The following SF3A1 variants were observed in gnomAD, a reference collection of about 807,000 sequenced individuals.
The protein encoded by SF3A1 is SAP 114.
SF3A1 carries 13 observed loss-of-function variants against 89.9 expected under a neutral mutation model. The observed-to-expected ratio is 0.14, with a 90% CI of 0.09 to 0.23. The LOEUF is 0.23. SF3A1 is among the 10% of genes least tolerant of loss of function. The pLI is 1.00. For synonymous variants in SF3A1, 405 were observed against 374.4 expected, an observed-to-expected ratio of 1.08 and a Z score of -0.94; for missense variants, 604 against 1,022.1, an observed-to-expected ratio of 0.59 and a Z score of 5.58.
chr22:30,335,602 G>T, intron 14 of SF3A1, 50 bp downstream of exon 14: 1 of 1,611,326 alleles, frequency 6.2e-7, no homozygotes, highest in South Asian at 1.1e-5. Flanking sequence ...GCTTTCCCCT[G>T]AATGCTTGGT....
intron 15 of SF3A1, 53 bp from the exon 16 acceptor site, chr22:30,334,748 C>A: frequency 7.9e-7 from 1 of 1,263,230 alleles, no homozygotes; most frequent in South Asian, 1.3e-5. Flanking sequence ...TTGGGGATAC[C>A]GCTGCAACCT....
chr22:30,340,350 T>A lies in SF3A1; in HGVS notation c.1221A>T (p.Pro407=). Residue 407 remains proline, a synonymous_variant, in exon 9 of 16, where the codon CCA becomes CCT. Coordinates refer to ENST00000215793, the MANE Select transcript of SF3A1 (RefSeq NM_005877.6). The stretch of plus-strand genomic sequence containing the variant: ...TAATGGGGGACACAAGATACTCATC[T>A]GGAGCAGGGGCTGGAGGCAAGGGCT... ...ASKPLPPAPA[P]DEYLVSPITG... is the part of the protein sequence containing the mutation. 6.2e-7 allele frequency: 1 copy of A among 1,611,754 alleles called. No homozygotes were observed. Among genetic ancestry groups the A allele is most frequent in the African/African-American group, 1.3e-5 (1 of 74,834 alleles).
At chr22:30,354,700 C>T (rs984014437) in intron 1 of SF3A1, among the ~76,000 whole-genome samples, 12 of 152,162 alleles carry the variant, frequency 7.9e-5, no homozygotes, top group African/African-American at 2.7e-4. Flanking sequence ...GAATAGCTAC[C>T]CAGTCACCCA....
At chr22:30,341,605 G>GGA in intron 7 of SF3A1, 87 bp downstream of exon 7, 1 of 947,006 alleles carries the variant, frequency 1.1e-6, no homozygotes, top group South Asian at 1.6e-5. Flanking sequence ...GGCTCACAGG[G>GGA]GAGCTGGATC....
intron 1 of SF3A1, among the ~76,000 whole-genome samples, chr22:30,354,861 C>T (rs1385815331): frequency 1.3e-5 from 2 of 152,176 alleles, no homozygotes; most frequent in East Asian, 1.9e-4. Context: ...GAATTCAAGG[C>T]TGCAGTAAGC....
intron 7 of SF3A1, 71 bp downstream of exon 7, chr22:30,341,621 G>A: frequency 2.3e-5 from 28 of 1,217,176 alleles, no homozygotes; most frequent in Non-Finnish European, 3.2e-5. Context: ...GGATCTGACT[G>A]GTGGAGAGCA....
intron 2 of SF3A1, among the ~76,000 whole-genome samples, chr22:30,352,245 C>A (rs567152177): frequency 2.0e-5 from 3 of 150,690 alleles, no homozygotes; most frequent in Admixed American, 6.6e-5. Context: ...ATACCCATTC[C>A]ATCTGAGGAG....
At chr22:30,344,171 A>G (rs1346789620) in intron 4 of SF3A1, among the ~76,000 whole-genome samples, 1 of 149,056 alleles carries the variant, frequency 6.7e-6, no homozygotes, top group Non-Finnish European at 1.5e-5. Flanking sequence ...CCAGAGCTCA[A>G]GCCCCAGCCC....
At chr22:30,339,470 T>C (rs1931179956) in intron 9 of SF3A1, among the ~76,000 whole-genome samples, 1 of 152,092 alleles carries the variant, frequency 6.6e-6, no homozygotes, top group Non-Finnish European at 1.5e-5. Context: ...AAAAGAACGG[T>C]AGGCCAGGCA....
chr22:30,340,380 G>A lies in SF3A1; in HGVS notation c.1191C>T (p.Ala397=). The A allele has an allele frequency of 6.2e-7, 1 of 1,611,374 alleles. No homozygotes were observed. The highest frequency in any genetic ancestry group is 8.5e-7 in the Non-Finnish European group (1 of 1,179,370). Reference sequence around the variant, plus strand: ...CAGGGGCTGGAGGCAAGGGCTTGGAGGCTAAAAGGAAACAGATGTTTCAGT... The same window carrying A: ...CAGGGGCTGGAGGCAAGGGCTTGGAAGCTAAAAGGAAACAGATGTTTCAGT... ...VIVRKDYDPK[A]SKPLPPAPAP... Residue 397 remains alanine, a splice_region_variant and synonymous_variant, in exon 9 of 16, where the codon GCC becomes GCT. Transcript: ENST00000215793.
At chr22:30,344,352 A>T (rs1002517977) in intron 4 of SF3A1, among the ~76,000 whole-genome samples, 2 of 152,260 alleles carry the variant, frequency 1.3e-5, no homozygotes, top group Non-Finnish European at 2.9e-5. Context: ...GACTTACATG[A>T]CATCAAAGTG....
intron 1 of SF3A1, among the ~76,000 whole-genome samples, chr22:30,355,484 C>T (rs2145828064): frequency 6.6e-6 from 1 of 152,296 alleles, no homozygotes; most frequent in African/African-American, 2.4e-5. Context: ...TGACTGGCCT[C>T]CCCTCATAGT....
intron 9 of SF3A1, 136 bp from the exon 10 acceptor site, chr22:30,339,387 G>T: frequency 1.8e-6 from 2 of 1,089,044 alleles, no homozygotes; most frequent in Non-Finnish European, 2.7e-6. Context: ...CCCAACTCTT[G>T]TCCTCTGGGC....
In SF3A1 at chr22:30,337,882, G is replaced by T; in HGVS notation, c.1759C>A (p.Arg587Ser). 2 of 1,605,344 alleles carry T rather than the reference G, an allele frequency of 1.2e-6. No homozygotes were observed. Among genetic ancestry groups the T allele is most frequent in the South Asian group, 1.1e-5 (1 of 88,556 alleles). Residue 587 changes from arginine (R) to serine (S), a missense_variant, in exon 12 of 16, where the codon CGT (arginine) becomes AGT (serine). This residue lies in a region of SF3A1 where 85 missense variants were observed against 137.3 expected (regional missense o/e 0.62). Coordinates refer to ENST00000215793, the MANE Select transcript of SF3A1 (RefSeq NM_005877.6). ...GGTACTGCGGAGACAACTGTAGTAC[G>T]AACTGGAGGTGGCATCTGTGCAGGA... is the stretch of plus-strand genomic sequence containing the variant. ...PRPPTMPPPV[R>S]TTVVSAVPVM...
intron 1 of SF3A1, among the ~76,000 whole-genome samples, chr22:30,356,154 A>T (rs530083351): frequency 1.3e-5 from 2 of 152,326 alleles, no homozygotes; most frequent in South Asian, 2.1e-4. Flanking sequence ...TTGGGACAAC[A>T]AACATTTGGT....
At chr22:30,356,378 T>C (rs5997619) in intron 1 of SF3A1, among the ~76,000 whole-genome samples, 148,537 of 152,392 alleles carry the variant, frequency 0.97, 72,402 homozygotes, top group East Asian at 1. Flanking sequence ...CCCCAACTGC[T>C]ACATAAGATC....
At chr22:30,345,582 A>T (rs1931394153) in intron 3 of SF3A1, among the ~76,000 whole-genome samples, 1 of 152,088 alleles carries the variant, frequency 6.6e-6, no homozygotes, top group African/African-American at 2.4e-5. Context: ...TGTTTCCATG[A>T]CCTCCGCATG....
intron 2 of SF3A1, among the ~76,000 whole-genome samples, chr22:30,350,216 G>A (rs549488339): frequency 4.0e-5 from 6 of 151,818 alleles, no homozygotes; most frequent in Non-Finnish European, 8.8e-5. Context: ...CAGCCACCTT[G>A]TGGTGGCTGA....
intron 1 of SF3A1, among the ~76,000 whole-genome samples, chr22:30,355,428 C>G (rs367677616): frequency 1.2e-4 from 19 of 152,224 alleles, no homozygotes; most frequent in African/African-American, 3.9e-4. Context: ...CTGCCTACCC[C>G]CTCTGCCCTA....
Sources: allele counts gnomAD v4.1 joint callset (sites outside exome capture counted in the v4.1 genomes callset), GRCh38; gene constraint gnomAD v4.1.1; regional missense constraint gnomAD v4.1.1; transcripts MANE v1.5; gene names NCBI Gene and HGNC (gene_info 2026-07-23, HGNC 2026-07-21).